The following WDR64 variants were observed in gnomAD, a reference collection of about 807,000 sequenced individuals.
WDR64 encodes the protein WD repeat-containing protein 64.
In WDR64, 112 loss-of-function variants were observed where a neutral mutation model predicts 139.3. That is an observed-to-expected ratio of 0.80 (90% CI 0.69 to 0.94). The LOEUF (loss-of-function observed/expected upper bound fraction) is 0.94, where lower values mean the gene tolerates loss of function less well. WDR64 is among the 40% of genes least tolerant of loss of function. WDR64 has a pLI of 0.00. For missense variants in WDR64, 1,206 were observed against 1,293.1 expected (o/e 0.93, Z 1.03); for synonymous variants, 444 against 437.7 (o/e 1.01, Z -0.18).
At position 241,744,393 on chromosome 1, in the gene WDR64, G is replaced by T. The variant is rs745411265; in HGVS notation, c.1471G>T (p.Val491Leu). 24 of 1,614,016 alleles carry T rather than the reference G, an allele frequency of 1.5e-5. No individual in the cohort carries two copies. The highest frequency in any genetic ancestry group is 2.0e-5 in the Non-Finnish European group (24 of 1,179,974). Residue 491 changes from valine (V) to leucine (L), a missense_variant and splice_region_variant, in exon 13 of 28, where the codon GTA becomes TTA. By Grantham distance (32) the Val-to-Leu change is conservative. Coordinates refer to ENST00000437684, the MANE Select transcript of WDR64 (RefSeq NM_001367482.1). ...TTGATATTTTCGTTCTTTCCCATAG[G>T]TATGGGAACTCGAGACTGGGCTCCA... ...LTICSESIIR[V>L]WELETGLQVY...
At chr1:241,741,439 C>T in intron 11 of WDR64, 77 bp from the exon 12 acceptor site, 1 of 1,383,988 alleles carries the variant, frequency 7.2e-7, no homozygotes, top group Non-Finnish European at 9.6e-7. Context: ...TTTCCAAACC[C>T]AACTGCTTGG....
At chr1:241,729,462 C>T (rs1668990586) in intron 10 of WDR64, among the ~76,000 whole-genome samples, 1 of 152,156 alleles carries the variant, frequency 6.6e-6, no homozygotes, top group Non-Finnish European at 1.5e-5. Flanking sequence ...TTTTCTAGTT[C>T]TTAAGGTTCT....
intron 8 of WDR64, among the ~76,000 whole-genome samples, chr1:241,705,268 G>A (rs531071289): frequency 4.6e-5 from 7 of 152,134 alleles, no homozygotes; most frequent in Admixed American, 3.3e-4. Context: ...TTGGCCGGGC[G>A]GGGTGGCTCA....
At chr1:241,672,766 C>T (rs1450230283) in intron 3 of WDR64, among the ~76,000 whole-genome samples, 1 of 152,030 alleles carries the variant, frequency 6.6e-6, no homozygotes, top group African/African-American at 2.4e-5. Flanking sequence ...AGGGAAGTCC[C>T]CACTGGGAAG....
rs774629417 is a variant in WDR64, at chr1:241,744,451, A to G, written c.1529A>G (p.Asn510Ser). 67 of 1,614,066 alleles carry G rather than the reference A, an allele frequency of 4.2e-5. No homozygotes were observed. In the Middle Eastern group the frequency reaches 6.6e-4, roughly 16 times the overall value. The change falls in exon 13 of 28, where the codon AAT becomes AGT. Residue 510 changes from asparagine (N) to serine (S), a missense_variant. By Grantham distance (46) the Asn-to-Ser change is conservative. Coordinates refer to ENST00000437684, the MANE Select transcript of WDR64 (RefSeq NM_001367482.1). ...VYQILEPHGFNTEVTSAAVDE... is the reference protein window; with the variant it reads ...VYQILEPHGFSTEVTSAAVDE... ...CAGATTTTAGAACCTCATGGTTTCA[A>G]TACTGAAGTGACTTCTGCAGCTGTC... is the stretch of plus-strand genomic sequence containing the variant.
intron 15 of WDR64, among the ~76,000 whole-genome samples, chr1:241,764,625 C>A (rs1658072229): frequency 6.6e-6 from 1 of 151,622 alleles, no homozygotes; most frequent in Non-Finnish European, 1.5e-5. Flanking sequence ...TGCACCACTG[C>A]AGACCAGCTT....
chr1:241,797,920 T>G (rs1393625349), intron 27 of WDR64, among the ~76,000 whole-genome samples: 1 of 152,166 alleles, frequency 6.6e-6, no homozygotes, highest in Non-Finnish European at 1.5e-5. Context: ...TTTTATCTCA[T>G]CTGATGTTAA....
Position 241,790,632 on chromosome 1 carries a change from C to T in WDR64, c.2933C>T (p.Thr978Ile). ...MSSVSLLFKR[T>I]PPKAFEVEQD... ...TCAGTGTCTCTACTTTTCAAACGCACACCTCCCAAGGCCTTTGAAGTGGAA... is the reference window on the plus strand; with the variant it reads ...TCAGTGTCTCTACTTTTCAAACGCATACCTCCCAAGGCCTTTGAAGTGGAA... Residue 978 changes from threonine to isoleucine, a missense_variant, in exon 25 of 28, where the codon ACA (threonine) becomes ATA (isoleucine). Coordinates refer to ENST00000437684, the MANE Select transcript of WDR64 (RefSeq NM_001367482.1). 1 of 1,612,296 alleles carries T rather than the reference C, an allele frequency of 6.2e-7. No individual in the cohort carries two copies. The highest frequency in any genetic ancestry group is 1.7e-5 in the Admixed American group (1 of 59,780).
At chr1:241,732,535 C>A (rs1219741203) in intron 10 of WDR64, among the ~76,000 whole-genome samples, 1 of 152,108 alleles carries the variant, frequency 6.6e-6, no homozygotes, top group African/African-American at 2.4e-5. Flanking sequence ...AAAACAGATA[C>A]CTGGCTGGGC....
chr1:241,675,073 G>C (rs115647225), intron 4 of WDR64, among the ~76,000 whole-genome samples: 14 of 22,044 alleles, frequency 6.4e-4, no homozygotes, highest in African/African-American at 1.3e-3. Flanking sequence ...CCTCCTTCCT[G>C]CCTCCCTCCC....
intron 8 of WDR64, among the ~76,000 whole-genome samples, chr1:241,695,000 T>C (rs886897376): frequency 4.6e-5 from 7 of 152,236 alleles, no homozygotes; most frequent in African/African-American, 1.7e-4. Flanking sequence ...CAGTGGTATG[T>C]TGAAGTCAGT....
Position 241,683,458 on chromosome 1 carries a change from A to C in WDR64, c.625-29A>C, listed in dbSNP as rs769663899. On this transcript the variant is annotated intron_variant, in intron 6 of 27. Transcript: ENST00000437684. The stretch of plus-strand genomic sequence containing the variant: ...ATTTATTGAACAGAGCAAAGTAATA[A>C]TTCATTAAAGTCATTTTTCTGTTTC... 8.4e-6 allele frequency: 13 copies of C among 1,545,696 alleles called. 1 individual carries two copies. In the South Asian group the frequency reaches 1.6e-4, roughly 18 times the overall value.
At chr1:241,743,457 A>T (rs1669629497) in intron 12 of WDR64, among the ~76,000 whole-genome samples, 1 of 152,146 alleles carries the variant, frequency 6.6e-6, no homozygotes, top group African/African-American at 2.4e-5. Flanking sequence ...GCCCTTCATT[A>T]TCAGGCCCCC....
chr1:241,762,474 T>C (rs6698709), intron 15 of WDR64, among the ~76,000 whole-genome samples: 279 of 152,300 alleles, frequency 1.8e-3, no homozygotes, highest in African/African-American at 6.2e-3. Context: ...GGCTGAAGAA[T>C]AGAGAATAAG....
At chr1:241,707,052 G>T (rs2148162507) in intron 8 of WDR64, among the ~76,000 whole-genome samples, 1 of 152,156 alleles carries the variant, frequency 6.6e-6, no homozygotes, top group East Asian at 1.9e-4. Flanking sequence ...TGCACTCTCA[G>T]TTCACCACAG....
At chr1:241,674,178 T>G (rs1666361975) in intron 3 of WDR64, among the ~76,000 whole-genome samples, 1 of 152,060 alleles carries the variant, frequency 6.6e-6, no homozygotes, top group Admixed American at 6.5e-5. Flanking sequence ...GTTGCCGGGT[T>G]TTAGGTTTTA....
At chr1:241,653,323 G>A (rs1448513806) in intron 1 of WDR64, among the ~76,000 whole-genome samples, 1 of 152,144 alleles carries the variant, frequency 6.6e-6, no homozygotes, top group East Asian at 1.9e-4. Context: ...ATTGCTAAAG[G>A]GATAGTATAG....
At chr1:241,734,320 T>C (rs538317764) in intron 10 of WDR64, among the ~76,000 whole-genome samples, 21 of 152,252 alleles carry the variant, frequency 1.4e-4, no homozygotes, top group African/African-American at 5.1e-4. Context: ...TGGGTACATG[T>C]CGTGAGGACC....
At chr1:241,704,623 T>C (rs774331791) in intron 8 of WDR64, among the ~76,000 whole-genome samples, 45 of 152,186 alleles carry the variant, frequency 3.0e-4, no homozygotes, top group Non-Finnish European at 4.9e-4. Flanking sequence ...TTATTTTTTA[T>C]AGGAAAATAG....
Sources: allele counts gnomAD v4.1 joint callset (sites outside exome capture counted in the v4.1 genomes callset), GRCh38; gene constraint gnomAD v4.1.1; transcripts MANE v1.5; gene names NCBI Gene and HGNC (gene_info 2026-07-23, HGNC 2026-07-21).